LRRC37B: variants seen among roughly 807,000 people sequenced by gnomAD.
The protein encoded by LRRC37B is leucine-rich repeat-containing protein 37B.
A neutral mutation model predicts 98.3 loss-of-function variants in LRRC37B; 28 were observed. The observed-to-expected ratio is 0.28, with a 90% CI of 0.21 to 0.39. The LOEUF (loss-of-function observed/expected upper bound fraction) is 0.39. Among genes scored for constraint, LRRC37B ranks in the 10% least tolerant of loss-of-function variants. LRRC37B has a pLI of 1.00. For synonymous variants in LRRC37B, 364 were observed against 442.7 expected (o/e 0.82, Z 2.23); for missense variants, 938 against 1,182.7 (o/e 0.79, Z 3.03).
At chr17:32,038,992 T>A (rs1911328661) in intron 7 of LRRC37B, among the ~76,000 whole-genome samples, 1 of 152,258 alleles carries the variant, frequency 6.6e-6, no homozygotes, top group Non-Finnish European at 1.5e-5. Flanking sequence ...TAAGAAATCT[T>A]TAAGAACCTG....
intron 1 of LRRC37B, among the ~76,000 whole-genome samples, chr17:32,023,489 G>A (rs901862959): frequency 2.0e-4 from 30 of 152,224 alleles, no homozygotes; most frequent in Non-Finnish European, 3.8e-4. Context: ...AAGTGGTTAA[G>A]AGTTGATTCT....
intron 7 of LRRC37B, chr17:32,041,753 C>T (rs773305167): frequency 5.5e-5 from 25 of 457,612 alleles, no homozygotes; most frequent in East Asian, 2.7e-4. Context: ...CTAACGGTGA[C>T]GGCTCCCTTC....
chr17:32,021,867 C>T lies in LRRC37B; in HGVS notation c.802C>T (p.Leu268Phe), dbSNP rs140386485. The T allele has an allele frequency of 5.0e-6, 8 of 1,614,106 alleles. No individual in the cohort carries two copies. The African/African-American group carries it at 9.3e-5, about 19-fold the overall frequency. Residue 268 changes from leucine to phenylalanine, a missense_variant, in exon 1 of 12, where the codon CTC becomes TTC. Physicochemically the swap from Leu to Phe is conservative, Grantham distance 22. This residue lies in a region of LRRC37B where 610 missense variants were observed against 625.6 expected (regional missense o/e 0.98). Coordinates refer to ENST00000327564, the Ensembl canonical transcript of LRRC37B. Reference sequence around the variant, plus strand: ...GTATCCCGGCAGCCTACCTCCAGAACTCCGGGTGAACGCAGATGAGCCTCC... The same window carrying T: ...GTATCCCGGCAGCCTACCTCCAGAATTCCGGGTGAACGCAGATGAGCCTCC...
intron 7 of LRRC37B, among the ~76,000 whole-genome samples, chr17:32,037,095 T>C (rs1179463693): frequency 6.1e-5 from 9 of 147,456 alleles, no homozygotes; most frequent in African/African-American, 2.0e-4. Context: ...CAAACAGTTC[T>C]CCTGCCTCAG....
intron 7 of LRRC37B, chr17:32,041,969 G>A (rs1911453058): frequency 2.7e-6 from 1 of 372,400 alleles, no homozygotes; most frequent in East Asian, 7.1e-5. Context: ...CCTGTGGGGT[G>A]GCTCAGAGAC....
exon 12 of LRRC37B, chr17:32,053,356 G>A (rs1044840): frequency 8.4e-6 from 13 of 1,547,998 alleles, no homozygotes; most frequent in Middle Eastern, 1.7e-4. Context: ...TGGATGGCCT[G>A]GAGCTATGTT....
At chr17:32,016,475 G>A (rs894414507), upstream of LRRC37B, among the ~76,000 whole-genome samples, 1 of 152,166 alleles carries the variant, frequency 6.6e-6, no homozygotes, top group African/African-American at 2.4e-5. Context: ...CAATCCTGTT[G>A]TAATCGTGCC....
intron 7 of LRRC37B, among the ~76,000 whole-genome samples, chr17:32,045,044 G>A (rs1355232472): frequency 6.6e-6 from 1 of 151,908 alleles, no homozygotes; most frequent in African/African-American, 2.4e-5. Flanking sequence ...TACATTGGTG[G>A]TTGCAAAGTG....
At chr17:32,049,974 C>A (rs1341678804) in intron 10 of LRRC37B, 29 bp from the exon 14 acceptor site, 2 of 1,312,472 alleles carry the variant, frequency 1.5e-6, no homozygotes, top group Non-Finnish European at 2.1e-6. Context: ...ATTGTTCTTT[C>A]TTTTTTCTTT....
intron 3 of LRRC37B, among the ~76,000 whole-genome samples, chr17:32,029,311 T>G (rs1197418921): frequency 1.3e-5 from 2 of 152,202 alleles, no homozygotes; most frequent in African/African-American, 4.8e-5. Flanking sequence ...TATTCATTTG[T>G]TTTACAAATA....
chr17:32,040,720 G>A (rs1394110460), intron 7 of LRRC37B: 11 of 788,738 alleles, frequency 1.4e-5, no homozygotes, highest in Middle Eastern at 2.7e-4. Flanking sequence ...TGCCTGATCC[G>A]CCACCAGAAG....
intron 7 of LRRC37B, chr17:32,039,930 T>C (rs932116919): frequency 1.3e-5 from 2 of 152,176 alleles, no homozygotes; most frequent in African/African-American, 2.4e-5. Flanking sequence ...TCCTCTTCAT[T>C]GACCAACTTT....
chr17:32,038,462 A>G (rs1354862525), intron 7 of LRRC37B, among the ~76,000 whole-genome samples: 1 of 152,096 alleles, frequency 6.6e-6, no homozygotes, highest in Non-Finnish European at 1.5e-5. Context: ...CTATCTCAAA[A>G]ATTAAATAAG....
chr17:32,053,105 G>A (rs1911805153), intron 11 of LRRC37B, 161 bp from the exon 15 acceptor site: 2 of 639,800 alleles, frequency 3.1e-6, no homozygotes, highest in African/African-American at 1.9e-5. Flanking sequence ...TGACTGAACT[G>A]TGGAAGAATC....
At chr17:32,035,097 G>A in intron 6 of LRRC37B, 116 bp downstream of exon 9, 1 of 768,056 alleles carries the variant, frequency 1.3e-6, no homozygotes, top group Non-Finnish European at 2.0e-6. Flanking sequence ...TTTTAACTGA[G>A]TTATTGAAAA....
chr17:32,047,638 C>T, intron 8 of LRRC37B, 123 bp from the exon 12 acceptor site: 1 of 1,438,580 alleles, frequency 7.0e-7, no homozygotes, highest in Non-Finnish European at 9.7e-7. Context: ...TTTCTCCTCT[C>T]TGAATGGCAC....
intron 7 of LRRC37B, among the ~76,000 whole-genome samples, chr17:32,039,524 GTA>G (rs1178457093): frequency 6.1e-5 from 1 of 16,454 alleles, no homozygotes; most frequent in African/African-American, 2.5e-4. Flanking sequence ...ATATATATAT[GTA>G]TGTATTTTTA....
chr17:32,023,087 A>C (rs1380230660), intron 1 of LRRC37B, among the ~76,000 whole-genome samples: 1 of 149,420 alleles, frequency 6.7e-6, no homozygotes, highest in African/African-American at 2.5e-5. Flanking sequence ...TCATTGCTTA[A>C]CCGCTGCTCT....
At chr17:32,037,052 T>C (rs1259534387) in intron 7 of LRRC37B, among the ~76,000 whole-genome samples, 1 of 134,538 alleles carries the variant, frequency 7.4e-6, no homozygotes, top group Admixed American at 8.5e-5. Context: ...AGTGGTGCCA[T>C]ATCGGCTCAC....
Sources: gnomAD v4.1 joint callset for allele counts (sites outside exome capture counted in the v4.1 genomes callset) on GRCh38, gnomAD v4.1.1 for gene constraint, gnomAD v4.1.1 regional missense constraint, MANE v1.5 for transcripts, NCBI Gene and HGNC (gene_info 2026-07-23, HGNC 2026-07-21) for gene names.